Variants in FOXP1 observed in about 807,000 individuals in gnomAD.
The protein encoded by FOXP1 is forkhead box P1.
A neutral mutation model predicts 98.2 loss-of-function variants in FOXP1; 15 were observed. That is an observed-to-expected ratio of 0.15 (90% CI 0.10 to 0.24). FOXP1 has a LOEUF of 0.24. Ranked by LOEUF, FOXP1 falls within the 10% of genes least tolerant of loss-of-function variation. The pLI is 1.00. For synonymous variants in FOXP1, 371 were observed against 314.5 expected (o/e 1.18, Z -1.90); for missense variants, 633 against 848.5 (o/e 0.75, Z 3.15).
chr3:71,079,363 G>A (rs544170404), intron 7 of FOXP1, among the ~76,000 whole-genome samples: 8 of 152,240 alleles, frequency 5.3e-5, no homozygotes, highest in African/African-American at 1.9e-4. Context: ...CTAGTACCAT[G>A]GTATGGGCTT....
intron 2 of FOXP1, among the ~76,000 whole-genome samples, chr3:71,494,605 C>T (rs1577834979): frequency 6.6e-6 from 1 of 152,180 alleles, no homozygotes; most frequent in East Asian, 1.9e-4. Context: ...CCATGTCCTG[C>T]AGAAATCTGT....
intron 6 of FOXP1, among the ~76,000 whole-genome samples, chr3:71,129,383 GT>G (rs547269317): frequency 6.6e-6 from 1 of 152,136 alleles, no homozygotes; most frequent in South Asian, 2.1e-4. Context: ...ATTATTTTAT[GT>G]ATCTAAATGT....
chr3:71,024,195 C>G (rs542474810), intron 11 of FOXP1, among the ~76,000 whole-genome samples: 10 of 152,240 alleles, frequency 6.6e-5, no homozygotes, highest in East Asian at 1.9e-4. Context: ...ACAGGAGAAA[C>G]GACGATGCAA....
chr3:71,204,535 A>G (rs1458584306), intron 5 of FOXP1, among the ~76,000 whole-genome samples: 1 of 152,216 alleles, frequency 6.6e-6, no homozygotes, highest in African/African-American at 2.4e-5. Context: ...GCAACAATGG[A>G]GACATCACAT....
At chr3:71,529,733 G>A (rs1462454897) in intron 2 of FOXP1, among the ~76,000 whole-genome samples, 1 of 152,112 alleles carries the variant, frequency 6.6e-6, no homozygotes, top group Non-Finnish European at 1.5e-5. Context: ...CGAGGTTCCT[G>A]GGGTTGCCAC....
chr3:71,004,535 T>C (rs2042528035), intron 12 of FOXP1, among the ~76,000 whole-genome samples: 1 of 152,198 alleles, frequency 6.6e-6, no homozygotes. Flanking sequence ...TGCACAGTTT[T>C]CATTAACAGC....
rs187655161 is a variant in FOXP1, at chr3:71,372,002, G to A, written c.-167-12758C>T. On this transcript the variant is annotated intron_variant, in intron 3 of 20. Coordinates refer to ENST00000649528, the MANE Select transcript of FOXP1 (RefSeq NM_001349338.3). ...CTTTGTACATGAGGATCATTCTTTC[G>A]TCTTTTCTTTCTTTCTTTTTTTTTT... is the stretch of plus-strand genomic sequence containing the variant. Among the ~76,000 whole-genome samples, 285 of 151,308 alleles carry A rather than the reference G, an allele frequency of 1.9e-3. 2 individuals are homozygous for A. Among genetic ancestry groups the A allele is most frequent in the African/African-American group, 6.6e-3 (272 of 41,250 alleles).
At chr3:71,197,357 G>A (rs922805208) in intron 6 of FOXP1, among the ~76,000 whole-genome samples, 5 of 152,090 alleles carry the variant, frequency 3.3e-5, no homozygotes, top group Non-Finnish European at 7.4e-5. Context: ...ATCAGGAAAG[G>A]CGGGAAAACC....
chr3:71,525,854 G>T (rs1248082553), intron 2 of FOXP1, among the ~76,000 whole-genome samples: 1 of 151,968 alleles, frequency 6.6e-6, no homozygotes, highest in Non-Finnish European at 1.5e-5. Context: ...AGTGGCTCAC[G>T]CTTGTAATCC....
intron 3 of FOXP1, among the ~76,000 whole-genome samples, chr3:71,411,291 G>A (rs1482919452): frequency 6.9e-6 from 1 of 145,334 alleles, no homozygotes; most frequent in Non-Finnish European, 1.5e-5. Flanking sequence ...GTGTGTGTGT[G>A]TGTGTGTGTG....
chr3:71,356,686 TG>T (rs1359319482), intron 4 of FOXP1, among the ~76,000 whole-genome samples: 1 of 152,152 alleles, frequency 6.6e-6, no homozygotes, highest in African/African-American at 2.4e-5. Flanking sequence ...TGCCTAGGGT[TG>T]TTCAGCCAGG....
chr3:71,126,780 C>A (rs1218411664), intron 6 of FOXP1, among the ~76,000 whole-genome samples: 1 of 148,428 alleles, frequency 6.7e-6, no homozygotes, highest in African/African-American at 2.5e-5. Context: ...GCTGAGATAG[C>A]ACCACTGTAC....
chr3:71,426,239 T>C (rs1367774311), intron 3 of FOXP1, among the ~76,000 whole-genome samples: 45 of 152,168 alleles, frequency 3.0e-4, no homozygotes, highest in Admixed American at 2.9e-3. Context: ...ATTAACACTA[T>C]AAGCTCAACT....
At chr3:71,448,508 G>GCT (rs1414130558) in intron 3 of FOXP1, among the ~76,000 whole-genome samples, 1 of 152,154 alleles carries the variant, frequency 6.6e-6, no homozygotes, top group Admixed American at 6.5e-5. Context: ...AAGAGCACTG[G>GCT]CTCATGGGTT....
At chr3:70,971,938 C>G in intron 18 of FOXP1, 1 of 1,238,534 alleles carries the variant, frequency 8.1e-7, no homozygotes, top group Non-Finnish European at 1.0e-6. Flanking sequence ...TGCAAAACTA[C>G]ATGGGATGAG....
At chr3:71,325,450 C>A (rs2075634955) in intron 4 of FOXP1, among the ~76,000 whole-genome samples, 1 of 151,042 alleles carries the variant, frequency 6.6e-6, no homozygotes, top group Admixed American at 6.7e-5. Context: ...TTGTCTCATG[C>A]CCTAAAGTAT....
intron 3 of FOXP1, among the ~76,000 whole-genome samples, chr3:71,368,109 T>C: frequency 6.6e-6 from 1 of 152,198 alleles, no homozygotes; most frequent in African/African-American, 2.4e-5. Flanking sequence ...GATTTATTTA[T>C]TTAATTTTTA....
At chr3:71,510,296 T>C (rs2042111584) in intron 2 of FOXP1, among the ~76,000 whole-genome samples, 1 of 151,336 alleles carries the variant, frequency 6.6e-6, no homozygotes, top group Non-Finnish European at 1.5e-5. Flanking sequence ...GCCCACACAG[T>C]GAAACCCCGT....
At chr3:71,322,889 G>C (rs919101356) in intron 4 of FOXP1, among the ~76,000 whole-genome samples, 6 of 152,022 alleles carry the variant, frequency 3.9e-5, no homozygotes, top group African/African-American at 1.4e-4. Context: ...GAGAACTCTG[G>C]AAAGCTTCTA....
Sources: allele counts gnomAD v4.1 joint callset (sites outside exome capture counted in the v4.1 genomes callset), GRCh38; gene constraint gnomAD v4.1.1; transcripts MANE v1.5; gene names NCBI Gene and HGNC (gene_info 2026-07-23, HGNC 2026-07-21).